PHF21A: variants seen among roughly 807,000 people sequenced by gnomAD.
The protein encoded by PHF21A is PHD finger protein 21A.
A neutral mutation model predicts 82.5 loss-of-function variants in PHF21A; 11 were observed. The observed-to-expected ratio is 0.13, with a 90% CI of 0.08 to 0.22. The LOEUF is 0.22. Ranked by LOEUF, PHF21A falls within the 10% of genes least tolerant of loss-of-function variation. The pLI is 1.00. For missense variants in PHF21A, 579 were observed against 837.8 expected (o/e 0.69, Z 3.81); for synonymous variants, 297 against 302.8 (o/e 0.98, Z 0.20).
chr11:46,041,630 A>C (rs1191261343), intron 6 of PHF21A, among the ~76,000 whole-genome samples: 1 of 152,186 alleles, frequency 6.6e-6, no homozygotes, highest in African/African-American at 2.4e-5. Context: ...GTTGCTTTAT[A>C]AGCATACTCC....
intron 1 of PHF21A, among the ~76,000 whole-genome samples, chr11:46,109,202 G>C (rs909552153): frequency 6.6e-6 from 1 of 152,194 alleles, no homozygotes; most frequent in African/African-American, 2.4e-5. Flanking sequence ...TGTATCATTT[G>C]TTACCTATGT....
chr11:46,083,088 A>C (rs1410507532), intron 4 of PHF21A, among the ~76,000 whole-genome samples: 1 of 152,184 alleles, frequency 6.6e-6, no homozygotes, highest in Non-Finnish European at 1.5e-5. Flanking sequence ...CCTCTATGTT[A>C]AACTAATTTC....
chr11:46,065,304 T>C (rs2096581294), intron 6 of PHF21A, among the ~76,000 whole-genome samples: 1 of 152,174 alleles, frequency 6.6e-6, no homozygotes, highest in African/African-American at 2.4e-5. Context: ...TAATTAAAGT[T>C]TTCCATAATC....
chr11:46,079,530 G>A (rs935686184), intron 4 of PHF21A, among the ~76,000 whole-genome samples: 2 of 152,156 alleles, frequency 1.3e-5, no homozygotes, highest in Non-Finnish European at 2.9e-5. Context: ...AAAGAAGCTG[G>A]CCCCACACAA....
rs35995547 is a variant in PHF21A at position 45,935,741 on chromosome 11, T to TAAAA, written c.1685-6_1685-3dup. The TAAAA allele has an allele frequency of 5.3e-5, 28 of 523,620 alleles. No homozygotes were observed. The highest frequency in any genetic ancestry group is 2.0e-4 in the African/African-American group (8 of 39,250). 32.4% of individuals were successfully genotyped at this position (523,620 alleles called of 1,614,324 possible). On this transcript the variant is annotated splice_region_variant and splice_polypyrimidine_tract_variant and intron_variant, in intron 17 of 18. Coordinates refer to ENST00000676320, the MANE Select transcript of PHF21A (RefSeq NM_001352027.3). The stretch of plus-strand genomic sequence containing the variant: ...ACTTCTGTTTCTCTTCTTCTTTTGC[T>TAAAA]AAAAAAAAAAAAAAAAAAAAAAAGG...
chr11:46,039,387 T>C (rs928183188), intron 6 of PHF21A, among the ~76,000 whole-genome samples: 3 of 152,290 alleles, frequency 2.0e-5, no homozygotes, highest in East Asian at 1.9e-4. Flanking sequence ...TAAATCAATA[T>C]ATGCGTGGCT....
At chr11:46,090,745 T>C (rs947891282) in intron 2 of PHF21A, among the ~76,000 whole-genome samples, 179 bp from the exon 3 acceptor site, 5 of 151,628 alleles carry the variant, frequency 3.3e-5, no homozygotes, top group African/African-American at 1.2e-4. Context: ...GTATTCAATA[T>C]GTACCTGAAT....
At chr11:46,010,368 G>A (rs1350696155) in intron 6 of PHF21A, among the ~76,000 whole-genome samples, 3 of 152,084 alleles carry the variant, frequency 2.0e-5, no homozygotes, top group African/African-American at 7.2e-5. Flanking sequence ...CTTATACCTC[G>A]CAACAATCTT....
chr11:45,952,692 A>C (rs2092276745), intron 11 of PHF21A, among the ~76,000 whole-genome samples: 2 of 152,356 alleles, frequency 1.3e-5, no homozygotes, highest in East Asian at 3.9e-4. Flanking sequence ...GAACTGGCTC[A>C]ATAAATCACT....
chr11:45,936,524 T>C lies in PHF21A; in HGVS notation c.1654A>G (p.Ile552Val). The C allele has an allele frequency of 6.2e-7, 1 of 1,613,238 alleles. No individual in the cohort carries two copies. The change falls in exon 17 of 19, where the codon ATT becomes GTT. Residue 552 changes from isoleucine to valine, a missense_variant. Ile to Val is a conservative substitution (Grantham distance 29, BLOSUM62 3). Coordinates refer to ENST00000676320, the MANE Select transcript of PHF21A (RefSeq NM_001352027.3). ...EAIPWPGTLA[I>V]VHSYIAYKAA... ...TTGTAGGCAATATAGGAATGAACAA[T>C]TGCTAAAGTTCCAGGCCATGGAATT...
chr11:45,971,493 C>A, intron 7 of PHF21A, 126 bp from the exon 8 acceptor site: 2 of 859,896 alleles, frequency 2.3e-6, no homozygotes, highest in East Asian at 2.7e-5. Context: ...AATCAAGTTT[C>A]TCTGTAGAAC....
intron 14 of PHF21A, 170 bp from the exon 15 acceptor site, chr11:45,946,173 G>C: frequency 7.0e-7 from 1 of 1,436,130 alleles, no homozygotes; most frequent in Non-Finnish European, 9.7e-7. Flanking sequence ...GAGAAGCAAA[G>C]ATTTAAATGT....
intron 6 of PHF21A, among the ~76,000 whole-genome samples, chr11:46,040,138 G>A (rs2096097921): frequency 6.6e-6 from 1 of 152,130 alleles, no homozygotes. Flanking sequence ...GGTTTCTTCT[G>A]AACAACCTCT....
chr11:45,945,775 A>C, intron 15 of PHF21A, 65 bp downstream of exon 15: 1 of 1,365,554 alleles, frequency 7.3e-7, no homozygotes, highest in South Asian at 1.4e-5. Flanking sequence ...AGGAGACAAC[A>C]TATGATAACG....
intron 1 of PHF21A, chr11:46,119,889 C>A (rs55722202): frequency 6.8e-6 from 1 of 147,458 alleles, no homozygotes; most frequent in Non-Finnish European, 1.5e-5. Context: ...CTCCCCCCGG[C>A]GGGGGCGCGG....
At chr11:46,097,898 C>T (rs1304014850) in intron 1 of PHF21A, among the ~76,000 whole-genome samples, 1 of 152,024 alleles carries the variant, frequency 6.6e-6, no homozygotes, top group African/African-American at 2.4e-5. Context: ...ATCAGGATAA[C>T]ACATAAAACT....
intron 4 of PHF21A, among the ~76,000 whole-genome samples, chr11:46,079,977 T>C (rs528499254): frequency 8.5e-5 from 13 of 152,168 alleles, no homozygotes; most frequent in Non-Finnish European, 1.8e-4. Flanking sequence ...ACAATAACCA[T>C]AGACAGAAGA....
chr11:45,980,171 A>AT (rs1399155373), intron 6 of PHF21A, among the ~76,000 whole-genome samples: 1 of 152,244 alleles, frequency 6.6e-6, no homozygotes, highest in Admixed American at 6.5e-5. Context: ...GAAATGTTTT[A>AT]TATATAAAGG....
intron 3 of PHF21A, among the ~76,000 whole-genome samples, chr11:46,087,278 C>T (rs2096867555): frequency 6.6e-6 from 1 of 152,084 alleles, no homozygotes; most frequent in Admixed American, 6.5e-5. Context: ...AAAGTTAAAA[C>T]CAGGGTTTAA....
Sources: allele counts gnomAD v4.1 joint callset (sites outside exome capture counted in the v4.1 genomes callset), GRCh38; gene constraint gnomAD v4.1.1; transcripts MANE v1.5; gene names NCBI Gene and HGNC (gene_info 2026-07-23, HGNC 2026-07-21).